The following LDLRAD4 variants were observed in gnomAD, a reference collection of about 807,000 sequenced individuals.
The protein encoded by LDLRAD4 is low-density lipoprotein receptor class A domain-containing protein 4.
A neutral mutation model predicts 17.0 loss-of-function variants in LDLRAD4; 5 were observed. The ratio of observed to expected loss-of-function variants is 0.29; its 90% CI spans 0.15 to 0.62. The LOEUF is 0.62. LDLRAD4 is among the 20% of genes least tolerant of loss of function. The pLI is 0.84. For missense variants in LDLRAD4, 340 were observed against 424.7 expected (o/e 0.80, Z 1.75); for synonymous variants, 168 against 171.8 (o/e 0.98, Z 0.17).
chr18:13,453,744 G>T (rs1260264903), intron 3 of LDLRAD4, among the ~76,000 whole-genome samples: 1 of 152,196 alleles, frequency 6.6e-6, no homozygotes, highest in African/African-American at 2.4e-5. Context: ...CCCATCCTCT[G>T]CAGGGCGCCC....
At chr18:13,436,632 C>T (rs1028172282) in intron 2 of LDLRAD4, among the ~76,000 whole-genome samples, 2 of 152,212 alleles carry the variant, frequency 1.3e-5, no homozygotes, top group African/African-American at 4.8e-5. Flanking sequence ...AAATTTTTCC[C>T]TTGACATCCC....
At chr18:13,322,844 C>CT (rs1362602249) in intron 1 of LDLRAD4, among the ~76,000 whole-genome samples, 1 of 145,960 alleles carries the variant, frequency 6.9e-6, no homozygotes, top group Non-Finnish European at 1.5e-5. Context: ...AGGCTGGTCT[C>CT]TAACTCCTGT....
At position 13,431,222 on chromosome 18, in the gene LDLRAD4, C is replaced by T. The variant is rs542552343; in HGVS notation, c.41-7022C>T. The stretch of plus-strand genomic sequence containing the variant: ...AAAGCCACTGTTGATATATGGGTGA[C>T]GTCGTTTCAAACTCTTCTCCCATGT... On this transcript the variant is annotated intron_variant, in intron 2 of 5. Coordinates refer to ENST00000359446, the Ensembl canonical transcript of LDLRAD4. Among the ~76,000 whole-genome samples, 330 of 152,256 alleles carry T rather than the reference C, an allele frequency of 2.2e-3. 4 individuals are homozygous for T. Among genetic ancestry groups the T allele is most frequent in the African/African-American group, 7.3e-3 (305 of 41,524 alleles).
At chr18:13,414,991 A>G (rs1439350367) in intron 2 of LDLRAD4, among the ~76,000 whole-genome samples, 2 of 152,260 alleles carry the variant, frequency 1.3e-5, no homozygotes, top group African/African-American at 2.4e-5. Context: ...GCTTACAGAT[A>G]CCTAAAGATT....
chr18:13,512,620 A>G (rs538686642), intron 3 of LDLRAD4, among the ~76,000 whole-genome samples: 23 of 152,340 alleles, frequency 1.5e-4, no homozygotes, highest in Middle Eastern at 3.4e-3. Context: ...GACTTGATCA[A>G]TTCTTCCTTG....
At chr18:13,252,424 C>T (rs1001701829) in intron 1 of LDLRAD4, among the ~76,000 whole-genome samples, 1 of 152,196 alleles carries the variant, frequency 6.6e-6, no homozygotes, top group Non-Finnish European at 1.5e-5. Flanking sequence ...CAACTGTGCC[C>T]GGCCTTCCAC....
intron 2 of LDLRAD4, among the ~76,000 whole-genome samples, chr18:13,432,307 G>T (rs911227950): frequency 6.6e-6 from 1 of 152,202 alleles, no homozygotes; most frequent in East Asian, 1.9e-4. Flanking sequence ...TGGATGCTGT[G>T]TTTTGGCAAC....
intron 1 of LDLRAD4, among the ~76,000 whole-genome samples, chr18:13,301,505 G>A (rs1018315141): frequency 6.6e-6 from 1 of 152,118 alleles, no homozygotes; most frequent in East Asian, 1.9e-4. Context: ...TGTGGGTCAC[G>A]TCTGCACCCA....
At chr18:13,542,372 G>C (rs1286085525) in intron 3 of LDLRAD4, 1 of 152,250 alleles carries the variant, frequency 6.6e-6, no homozygotes, top group African/African-American at 2.4e-5. Flanking sequence ...CCAGGACCCT[G>C]GCCCCTCATG....
chr18:13,234,884 T>G (rs1305548102), intron 1 of LDLRAD4: 1 of 152,188 alleles, frequency 6.6e-6, no homozygotes, highest in Non-Finnish European at 1.5e-5. Context: ...CAAATTTAAC[T>G]TGCTGGCTAA....
chr18:13,391,927 TC>T (rs2145319151), intron 2 of LDLRAD4, among the ~76,000 whole-genome samples: 1 of 152,368 alleles, frequency 6.6e-6, no homozygotes, highest in Admixed American at 6.5e-5. Flanking sequence ...AAAATTGTGT[TC>T]CTGTTGTTGG....
At chr18:13,288,190 C>T (rs1237631942) in intron 1 of LDLRAD4, among the ~76,000 whole-genome samples, 2 of 152,062 alleles carry the variant, frequency 1.3e-5, no homozygotes, top group Non-Finnish European at 2.9e-5. Context: ...TTTTATAATC[C>T]TCTAGATAAA....
intron 1 of LDLRAD4, among the ~76,000 whole-genome samples, chr18:13,256,485 C>G (rs75614135): frequency 0.012 from 1,780 of 152,314 alleles, 39 homozygotes; most frequent in African/African-American, 0.041. Flanking sequence ...TCTTGTGCAC[C>G]TTAAAGTTTG....
chr18:13,281,375 C>A (rs141997558), intron 1 of LDLRAD4, among the ~76,000 whole-genome samples: 1 of 152,126 alleles, frequency 6.6e-6, no homozygotes, highest in Non-Finnish European at 1.5e-5. Context: ...GGCAGTACAG[C>A]GAGATCCTGT....
chr18:13,324,160 C>T (rs1261270715), intron 1 of LDLRAD4, among the ~76,000 whole-genome samples: 3 of 148,958 alleles, frequency 2.0e-5, no homozygotes, highest in Non-Finnish European at 3.0e-5. Flanking sequence ...TTTTTTGAGA[C>T]GGAGTCTCGC....
At chr18:13,615,833 A>G (rs1200735584) in intron 3 of LDLRAD4, 1 of 152,198 alleles carries the variant, frequency 6.6e-6, no homozygotes, top group East Asian at 1.9e-4. Flanking sequence ...TTTGGCCTCA[A>G]CTTCTTTCCT....
chr18:13,465,435 G>T (rs1001241926), intron 3 of LDLRAD4, among the ~76,000 whole-genome samples: 2 of 152,208 alleles, frequency 1.3e-5, no homozygotes, highest in African/African-American at 4.8e-5. Context: ...AGGAGTTATG[G>T]ACAAATGCCC....
intron 3 of LDLRAD4, among the ~76,000 whole-genome samples, chr18:13,580,945 T>C (rs2094848025): frequency 6.6e-6 from 1 of 152,252 alleles, no homozygotes; most frequent in African/African-American, 2.4e-5. Flanking sequence ...GGTGGATACC[T>C]GGTTTGTGTT....
intron 2 of LDLRAD4, among the ~76,000 whole-genome samples, chr18:13,412,403 C>T (rs1372348980): frequency 5.3e-5 from 8 of 152,284 alleles, no homozygotes; most frequent in Non-Finnish European, 2.9e-5. Flanking sequence ...GCACTCAGGT[C>T]AGCTAATATC....
Sources: allele counts gnomAD v4.1 joint callset (sites outside exome capture counted in the v4.1 genomes callset), GRCh38; gene constraint gnomAD v4.1.1; transcripts MANE v1.5; gene names NCBI Gene and HGNC (gene_info 2026-07-23, HGNC 2026-07-21).